Variants in NRF1 observed in about 807,000 individuals in gnomAD.
NRF1 encodes alpha palindromic-binding protein.
In NRF1, 5 loss-of-function variants were observed where a neutral mutation model predicts 58.5. The ratio of observed to expected loss-of-function variants is 0.09; its 90% CI spans 0.04 to 0.18. NRF1 has a LOEUF of 0.18. Among genes scored for constraint, NRF1 ranks in the 10% least tolerant of loss-of-function variants. NRF1 has a pLI of 1.00. For synonymous variants in NRF1, 224 were observed against 246.7 expected, an observed-to-expected ratio of 0.91 and a Z score of 0.86; for missense variants, 288 against 657.7, an observed-to-expected ratio of 0.44 and a Z score of 6.15.
chr7:129,701,231 A>G (rs1164941442), intron 5 of NRF1, among the ~76,000 whole-genome samples: 1 of 152,180 alleles, frequency 6.6e-6, no homozygotes, highest in Non-Finnish European at 1.5e-5. Flanking sequence ...ATATAAAAAG[A>G]TTGTCAACTC....
intron 1 of NRF1, among the ~76,000 whole-genome samples, chr7:129,635,925 T>C (rs1190852432): frequency 6.6e-6 from 1 of 152,192 alleles, no homozygotes; most frequent in Non-Finnish European, 1.5e-5. Flanking sequence ...TCTTTTAATA[T>C]TTTATGAGAG....
chr7:129,659,871 T>C (rs1490639105), intron 2 of NRF1, among the ~76,000 whole-genome samples: 1 of 152,224 alleles, frequency 6.6e-6, no homozygotes, highest in African/African-American at 2.4e-5. Context: ...GTGTAGTTTC[T>C]TCTGTCTTTC....
intron 9 of NRF1, among the ~76,000 whole-genome samples, chr7:129,723,870 TA>T (rs1803390570): frequency 6.6e-6 from 1 of 152,228 alleles, no homozygotes. Context: ...GAAAACTGGA[TA>T]TCTACATACA....
intron 10 of NRF1, chr7:129,744,062 C>G: frequency 1.0e-6 from 1 of 980,536 alleles, no homozygotes; most frequent in Non-Finnish European, 1.5e-6. Context: ...AGGCTGTGCA[C>G]CCTGCACCAG....
rs1386608229 is a variant in NRF1, at chr7:129,642,155, T to A, written c.-6-15191T>A. Among the ~76,000 whole-genome samples the A allele has an allele frequency of 3.3e-5, 5 of 150,586 alleles. No homozygotes were observed. The East Asian group carries it at 7.8e-4, about 23-fold the overall frequency. On this transcript the variant is annotated intron_variant, in intron 1 of 10. Coordinates refer to ENST00000393232, the MANE Select transcript of NRF1 (RefSeq NM_005011.5). ...CACCATGCCCAGCTAATTTTTTGTATTTTTTTTTAGTAGAGACAGGGTTTC... is the reference window on the plus strand; with the variant it reads ...CACCATGCCCAGCTAATTTTTTGTAATTTTTTTTAGTAGAGACAGGGTTTC...
Position 129,741,685 on chromosome 7 carries a change from C to G in NRF1, c.1349-13333C>G, listed in dbSNP as rs1376263393. 6.6e-6 allele frequency among the ~76,000 whole-genome samples: 1 copy of G among 152,072 alleles called. No individual in the cohort carries two copies. The highest frequency in any genetic ancestry group is 1.5e-5 in the Non-Finnish European group (1 of 68,022). ...CAGGTTCTTGGGTAAAGGGGACTTTCCTCTTTTTATTTATGCTTCCATTAG... is the reference window on the plus strand; with the variant it reads ...CAGGTTCTTGGGTAAAGGGGACTTTGCTCTTTTTATTTATGCTTCCATTAG... On this transcript the variant is annotated intron_variant, in intron 10 of 10. Transcript: ENST00000393232. This position sits in a 1 kb window ranked among gnomAD's most constrained non-coding sequence, Gnocchi z 4.0.
chr7:129,753,385 C>T (rs946639242), intron 10 of NRF1, among the ~76,000 whole-genome samples: 1 of 152,140 alleles, frequency 6.6e-6, no homozygotes, highest in Non-Finnish European at 1.5e-5. Flanking sequence ...CTCTTTCTGC[C>T]GTAGCTAGGC....
chr7:129,658,035 A>G (rs932579176), intron 2 of NRF1, among the ~76,000 whole-genome samples: 5 of 152,042 alleles, frequency 3.3e-5, no homozygotes, highest in African/African-American at 1.2e-4. Context: ...TATTCTGCCT[A>G]TGTTTTGGCT....
At chr7:129,679,537 T>C (rs1802257563) in intron 4 of NRF1, among the ~76,000 whole-genome samples, 1 of 152,074 alleles carries the variant, frequency 6.6e-6, no homozygotes, top group African/African-American at 2.4e-5. Context: ...CTGGCCAATA[T>C]GGTGAAACCC....
At chr7:129,700,159 G>T (rs79850148) in intron 5 of NRF1, among the ~76,000 whole-genome samples, 6,436 of 151,758 alleles carry the variant, frequency 0.042, 169 homozygotes, top group Middle Eastern at 0.12. Flanking sequence ...AAAAGTCCTA[G>T]AAATAATTAT....
chr7:129,649,912 C>A (rs1391589482), intron 1 of NRF1, among the ~76,000 whole-genome samples: 1 of 152,076 alleles, frequency 6.6e-6, no homozygotes, highest in Non-Finnish European at 1.5e-5. Flanking sequence ...TGCCATCATG[C>A]CCAGCTAATT....
At chr7:129,683,369 C>A (rs191276300) in intron 4 of NRF1, among the ~76,000 whole-genome samples, 84 of 150,216 alleles carry the variant, frequency 5.6e-4, no homozygotes, top group South Asian at 1.5e-3. Flanking sequence ...TGCTCTATTG[C>A]CCAGGCTAGA....
At chr7:129,688,248 T>C (rs1052432718) in intron 4 of NRF1, among the ~76,000 whole-genome samples, 1 of 152,132 alleles carries the variant, frequency 6.6e-6, no homozygotes, top group Non-Finnish European at 1.5e-5. Context: ...TACCTCAGCC[T>C]CCCGAGTAGC....
intron 1 of NRF1, among the ~76,000 whole-genome samples, chr7:129,629,427 C>G (rs1454915512): frequency 6.6e-6 from 1 of 152,160 alleles, no homozygotes; most frequent in Non-Finnish European, 1.5e-5. Flanking sequence ...ACAGCTGCCA[C>G]CACACGCCTG....
chr7:129,727,166 T>C (rs2116250033), intron 9 of NRF1, 75 bp from the exon 10 acceptor site: 2 of 1,457,884 alleles, frequency 1.4e-6, no homozygotes, highest in Non-Finnish European at 1.8e-6. Flanking sequence ...AAGGAAGGCA[T>C]TGAAAGGATG....
At chr7:129,652,645 G>A (rs1363821432) in intron 1 of NRF1, among the ~76,000 whole-genome samples, 2 of 152,144 alleles carry the variant, frequency 1.3e-5, no homozygotes, top group Non-Finnish European at 2.9e-5. Flanking sequence ...CGCCCAGGCT[G>A]GAGTGCAGTG....
rs1448885263 is a variant in NRF1 at position 129,741,764 on chromosome 7, C to T, written c.1349-13254C>T. Among the ~76,000 whole-genome samples the T allele has an allele frequency of 6.6e-6, 1 of 152,196 alleles. No individual in the cohort carries two copies. Among genetic ancestry groups the T allele is most frequent in the Non-Finnish European group, 1.5e-5 (1 of 68,046 alleles). ...ATTAACTCTAATAGCTTGTCCCTCG[C>T]AGCCAGGATGGTTTGGGGCCCTCTG... On this transcript the variant is annotated intron_variant, in intron 10 of 10. Transcript: ENST00000393232. This position sits in a 1 kb window ranked among gnomAD's most constrained non-coding sequence, Gnocchi z 4.0.
intron 1 of NRF1, among the ~76,000 whole-genome samples, chr7:129,649,059 T>C (rs1801476942): frequency 6.6e-6 from 1 of 152,190 alleles, no homozygotes; most frequent in Admixed American, 6.5e-5. Context: ...TGTTCCATTT[T>C]TACTCACAAT....
intron 1 of NRF1, among the ~76,000 whole-genome samples, chr7:129,619,961 A>G (rs1287051500): frequency 6.6e-6 from 1 of 151,994 alleles, no homozygotes; most frequent in African/African-American, 2.4e-5. Flanking sequence ...TTGAAAAGTT[A>G]TGTGTGAGTG....
Sources: gnomAD v4.1 joint callset for allele counts (sites outside exome capture counted in the v4.1 genomes callset) on GRCh38, gnomAD v4.1.1 for gene constraint, Gnocchi (gnomAD v3.1) non-coding constraint, MANE v1.5 for transcripts, NCBI Gene and HGNC (gene_info 2026-07-23, HGNC 2026-07-21) for gene names.